Variants in PDCD6IP observed in about 807,000 individuals in gnomAD.
PDCD6IP encodes the protein programmed cell death 6-interacting protein.
A neutral mutation model predicts 103.7 loss-of-function variants in PDCD6IP; 43 were observed. That is an observed-to-expected ratio of 0.41 (90% CI 0.32 to 0.53). The LOEUF is 0.53. PDCD6IP is among the 20% of genes least tolerant of loss of function. The probability of loss-of-function intolerance (pLI) is 0.16; values close to 1 mark genes in which losing one functional copy is unlikely to be tolerated. For synonymous variants in PDCD6IP, 354 were observed against 378.7 expected, an observed-to-expected ratio of 0.93 and a Z score of 0.76; for missense variants, 871 against 1,036.7, an observed-to-expected ratio of 0.84 and a Z score of 2.20.
chr3:33,834,077 C>G (rs557263487), intron 7 of PDCD6IP, among the ~76,000 whole-genome samples: 15 of 152,180 alleles, frequency 9.9e-5, no homozygotes, highest in Admixed American at 2.0e-4. Context: ...TTTCTTCTCC[C>G]TCCCTACTTT....
intron 6 of PDCD6IP, chr3:33,827,397 A>C (rs896010457): frequency 9.0e-5 from 19 of 210,310 alleles, no homozygotes; most frequent in Non-Finnish European, 1.3e-4. Flanking sequence ...ATCTTTGTAC[A>C]TTAAAAAATT....
rs553270744 is a variant in PDCD6IP at position 33,836,497 on chromosome 3, TTTGA to T, written c.1057+234_1057+237del. On this transcript the variant is annotated intron_variant, in intron 8 of 17. Coordinates refer to ENST00000307296, the MANE Select transcript of PDCD6IP (RefSeq NM_013374.6). ...TAGTTAGAAGACTTGAAACTGTGTG[TTTGA>T]TTAAGACTGTAGCACTTGTCATTTT... 2.0e-4 allele frequency among the ~76,000 whole-genome samples: 31 copies of T among 152,292 alleles called. No individual in the cohort carries two copies. In the East Asian group the frequency reaches 6.0e-3, roughly 29 times the overall value.
chr3:33,803,448 G>T (rs1459363894), intron 1 of PDCD6IP, among the ~76,000 whole-genome samples: 1 of 152,038 alleles, frequency 6.6e-6, no homozygotes, highest in Non-Finnish European at 1.5e-5. Context: ...GTGATTGCTT[G>T]TTCTTTTCTT....
intron 15 of PDCD6IP, among the ~76,000 whole-genome samples, chr3:33,860,736 T>C (rs1180703936): frequency 6.6e-6 from 1 of 152,230 alleles, no homozygotes. Context: ...TTATTCTCAT[T>C]TCTGCATATA....
intron 1 of PDCD6IP, chr3:33,799,192 C>G (rs1244678469): frequency 3.6e-6 from 2 of 557,318 alleles, no homozygotes; most frequent in Non-Finnish European, 6.4e-6. Flanking sequence ...GATCAGATAC[C>G]TGGGAGCAGC....
At chr3:33,809,507 T>G (rs1031593678) in intron 1 of PDCD6IP, among the ~76,000 whole-genome samples, 1 of 152,212 alleles carries the variant, frequency 6.6e-6, no homozygotes, top group Non-Finnish European at 1.5e-5. Flanking sequence ...GATGTAATTT[T>G]AAGTGTAATG....
At chr3:33,863,281 G>A (rs1384460205) in intron 15 of PDCD6IP, among the ~76,000 whole-genome samples, 5 of 151,908 alleles carry the variant, frequency 3.3e-5, no homozygotes, top group Non-Finnish European at 7.4e-5. Flanking sequence ...TCTTTGTGTT[G>A]GGAACATTCC....
chr3:33,865,217 T>C (rs756694396), intron 16 of PDCD6IP, 26 bp from the exon 17 acceptor site: 2 of 1,466,252 alleles, frequency 1.4e-6, no homozygotes, highest in African/African-American at 1.5e-5. Context: ...AAACATTTTA[T>C]AGTCAATGCT....
chr3:33,815,386 A>T (rs925255085), intron 3 of PDCD6IP, among the ~76,000 whole-genome samples: 1 of 152,162 alleles, frequency 6.6e-6, no homozygotes, highest in Non-Finnish European at 1.5e-5. Flanking sequence ...GGACTTCATA[A>T]ATAGTCTTAC....
At chr3:33,821,822 C>A in intron 3 of PDCD6IP, 133 bp from the exon 4 acceptor site, 2 of 766,334 alleles carry the variant, frequency 2.6e-6, no homozygotes, top group Non-Finnish European at 4.1e-6. Context: ...CATATGACAG[C>A]AAGAAAACAG....
In PDCD6IP at chr3:33,805,370, A is replaced by T. The variant is rs1433175344; in HGVS notation, c.209+6433A>T. Among the ~76,000 whole-genome samples the T allele has an allele frequency of 9.9e-3, 1,338 of 134,526 alleles. 12 individuals are homozygous for T. Among genetic ancestry groups the T allele is most frequent in the African/African-American group, 0.032 (1,199 of 37,356 alleles). 88.3% of individuals were successfully genotyped at this position (134,526 alleles called of 152,430 possible). ...ATTCTGTCTCAAAAAAAAAAAAAAA[A>T]TTTTTTTTTCCTTTTTAAAAATTAA... On this transcript the variant is annotated intron_variant, in intron 1 of 17. Coordinates refer to ENST00000307296, the MANE Select transcript of PDCD6IP (RefSeq NM_013374.6).
chr3:33,843,423 A>G (rs537593340), intron 10 of PDCD6IP, among the ~76,000 whole-genome samples: 30 of 137,072 alleles, frequency 2.2e-4, no homozygotes, highest in Non-Finnish European at 3.8e-4. Context: ...CTTGTGGCCT[A>G]CTTTTTTTGT....
At position 33,844,582 on chromosome 3, in the gene PDCD6IP, G is replaced by A. The variant is rs1310117484; in HGVS notation, c.1471+359G>A. On this transcript the variant is annotated intron_variant, in intron 11 of 17. Transcript: ENST00000307296. ...TGCAGCCCCAACCTCCAGGGCTCAG[G>A]CAATCCTTCTACCTCAACCTCCTGA... Among the ~76,000 whole-genome samples, 6 of 152,102 alleles carry A rather than the reference G, an allele frequency of 3.9e-5. No homozygotes were observed. In the East Asian group the frequency reaches 7.7e-4, roughly 20 times the overall value.
intron 15 of PDCD6IP, among the ~76,000 whole-genome samples, chr3:33,856,734 C>G (rs1382877053): frequency 6.6e-6 from 1 of 152,090 alleles, no homozygotes; most frequent in Non-Finnish European, 1.5e-5. Flanking sequence ...GCAAAACAGT[C>G]AAGCCAGTTT....
chr3:33,806,747 C>G (rs4678616), intron 1 of PDCD6IP, among the ~76,000 whole-genome samples: 39,966 of 152,136 alleles, frequency 0.26, 5,546 homozygotes, highest in East Asian at 0.39. Flanking sequence ...GATTCCCTAT[C>G]TAGAGAACTT....
intron 4 of PDCD6IP, 134 bp from the exon 5 acceptor site, chr3:33,825,053 T>C: frequency 1.4e-6 from 1 of 717,366 alleles, no homozygotes; most frequent in Non-Finnish European, 2.3e-6. Context: ...TGTTTTAGAT[T>C]GGTTTTGCAT....
At chr3:33,825,838 A>G (rs967409377) in intron 5 of PDCD6IP, among the ~76,000 whole-genome samples, 1 of 152,176 alleles carries the variant, frequency 6.6e-6, no homozygotes, top group Non-Finnish European at 1.5e-5. Flanking sequence ...TGGTATGGTT[A>G]TGGGATAGGG....
intron 15 of PDCD6IP, among the ~76,000 whole-genome samples, chr3:33,861,607 G>T (rs552723075): frequency 6.6e-6 from 1 of 152,164 alleles, no homozygotes; most frequent in African/African-American, 2.4e-5. Flanking sequence ...GGATATGTGT[G>T]TATGCTCAGT....
rs1249628952 is a variant in PDCD6IP at position 33,798,636 on chromosome 3, T to G, written c.-93T>G. The G allele has an allele frequency of 8.3e-7, 1 of 1,211,698 alleles. No individual in the cohort carries two copies. Among genetic ancestry groups the G allele is most frequent in the Non-Finnish European group, 1.1e-6 (1 of 890,762 alleles). 75.1% of individuals were successfully genotyped at this position (1,211,698 alleles called of 1,614,324 possible). ...GAGCGCAAGTCTGTCAGCCAGTCAG[T>G]CCGCCAGTCCGCCAGCCCAGTACCT... On this transcript the variant is annotated 5_prime_UTR_variant, in exon 1 of 18. Transcript: ENST00000307296.
Sources: gnomAD v4.1 joint callset for allele counts (sites outside exome capture counted in the v4.1 genomes callset) on GRCh38, gnomAD v4.1.1 for gene constraint, MANE v1.5 for transcripts, NCBI Gene and HGNC (gene_info 2026-07-23, HGNC 2026-07-21) for gene names.